TET3: variants seen among roughly 807,000 people sequenced by gnomAD.
The protein encoded by TET3 is tet methylcytosine dioxygenase 3, also known as methylcytosine dioxygenase TET3.
Under a neutral mutation model 141.4 loss-of-function variants are expected in TET3, and 19 were observed. The ratio of observed to expected loss-of-function variants is 0.13; its 90% confidence interval spans 0.09 to 0.20. TET3 has a LOEUF of 0.20. TET3 is among the 10% of genes least tolerant of loss of function. TET3 has a pLI of 1.00. For missense variants in TET3, 1,874 were observed against 2,356.9 expected (o/e 0.80, Z 4.24); for synonymous variants, 1,043 against 980.9 (o/e 1.06, Z -1.18).
intron 4 of TET3, among the ~76,000 whole-genome samples, chr2:74,056,171 T>C (rs1688204385): frequency 6.6e-6 from 1 of 152,242 alleles, no homozygotes; most frequent in Non-Finnish European, 1.5e-5. Flanking sequence ...GCCTCAGCTG[T>C]GCTCCTGTGT....
intron 3 of TET3, among the ~76,000 whole-genome samples, chr2:74,035,197 G>A (rs1377566193): frequency 0.03 from 1,887 of 62,002 alleles, no homozygotes; most frequent in Middle Eastern, 0.21. Context: ...GTGAGACTCC[G>A]TCTCAAAAAA....
intron 3 of TET3, among the ~76,000 whole-genome samples, chr2:74,008,323 T>C (rs1685249951): frequency 1.3e-5 from 2 of 152,198 alleles, no homozygotes; most frequent in South Asian, 4.1e-4. Context: ...TCTGCAAGTC[T>C]GGGAGTCTGA....
At chr2:74,099,837 G>A (rs1290733229) in intron 11 of TET3, among the ~76,000 whole-genome samples, 1 of 152,166 alleles carries the variant, frequency 6.6e-6, no homozygotes, top group Non-Finnish European at 1.5e-5. Context: ...TAGAGGGGAA[G>A]CACTGGGTTT....
intron 4 of TET3, among the ~76,000 whole-genome samples, chr2:74,049,425 G>A (rs1019941868): frequency 2.8e-4 from 43 of 152,056 alleles, no homozygotes; most frequent in Non-Finnish European, 5.3e-4. Context: ...TAGGGTGCAG[G>A]GCCACTGAGG....
chr2:74,002,877 T>C, intron 2 of TET3: 1 of 561,488 alleles, frequency 1.8e-6, no homozygotes. Context: ...TCGGGGGGAT[T>C]CTCAGAGGAG....
At chr2:74,131,644 G>C in the TET3 span, among the ~76,000 whole-genome samples, 1 of 152,224 alleles carries the variant, frequency 6.6e-6, no homozygotes, top group African/African-American at 2.4e-5. Context: ...GACTTGCCCA[G>C]TCAGCCGGCA....
chr2:74,065,561 T>TG (rs940147358), intron 4 of TET3, among the ~76,000 whole-genome samples: 8 of 151,430 alleles, frequency 5.3e-5, no homozygotes, highest in African/African-American at 1.9e-4. Context: ...TTTTGTTTTT[T>TG]TTTTTTTTGG....
At chr2:74,034,486 G>C (rs971058952) in intron 3 of TET3, among the ~76,000 whole-genome samples, 1 of 148,396 alleles carries the variant, frequency 6.7e-6, no homozygotes, top group Non-Finnish European at 1.5e-5. Context: ...CATTATATAA[G>C]TTTGCATTTC....
intron 3 of TET3, among the ~76,000 whole-genome samples, chr2:74,029,535 G>A (rs747206029): frequency 1.3e-5 from 2 of 152,154 alleles, no homozygotes; most frequent in Non-Finnish European, 2.9e-5. Flanking sequence ...GAAGAAATTA[G>A]CATATGAGAA....
intron 3 of TET3, among the ~76,000 whole-genome samples, chr2:74,034,063 T>C (rs1558731609): frequency 2.0e-5 from 3 of 151,950 alleles, no homozygotes. Context: ...GCCATTGCAC[T>C]TTAGTCAGGG....
chr2:74,002,376 C>T (rs1383461282), intron 2 of TET3, among the ~76,000 whole-genome samples: 1 of 151,698 alleles, frequency 6.6e-6, no homozygotes, highest in Admixed American at 6.6e-5. Flanking sequence ...CCCCCACCCC[C>T]CCGGCGTCTG....
intron 5 of TET3, among the ~76,000 whole-genome samples, chr2:74,077,909 A>G (rs1689602693): frequency 6.6e-6 from 1 of 152,240 alleles, no homozygotes; most frequent in Admixed American, 6.5e-5. Context: ...GCTTCCTGAT[A>G]AATGCTTGTT....
chr2:74,100,926 A>T lies in TET3; in HGVS notation c.4138A>T (p.Arg1380Trp), dbSNP rs146830722. 6.2e-7 allele frequency: 1 copy of T among 1,610,834 alleles called. No homozygotes were observed. The highest frequency in any genetic ancestry group is 8.5e-7 in the Non-Finnish European group (1 of 1,178,726). ...PKAPLLHSVS[R>W]DPSPFAQSSN... ...GGCCCCCCTACTCCACTCAGTGTCC[A>T]GGGACCCCTCCCCCTTTGCCCAGAG... is the stretch of plus-strand genomic sequence containing the variant. Residue 1380 changes from arginine to tryptophan, a missense_variant, in exon 12 of 12, where the codon AGG (arginine) becomes TGG (tryptophan). Physicochemically the swap from Arg to Trp is moderately radical, Grantham distance 101. Coordinates refer to ENST00000409262, the MANE Select transcript of TET3 (RefSeq NM_001287491.2).
intron 3 of TET3, among the ~76,000 whole-genome samples, chr2:74,025,573 G>A (rs562607933): frequency 2.8e-4 from 42 of 152,198 alleles, no homozygotes; most frequent in Non-Finnish European, 5.1e-4. Context: ...CGGCCTGAAT[G>A]TAGGTTTTCT....
Position 74,084,353 on chromosome 2 carries a change from C to T in TET3, c.2680-3477C>T, listed in dbSNP as rs565676554. 1.5e-3 allele frequency among the ~76,000 whole-genome samples: 234 copies of T among 152,224 alleles called. 4 individuals are homozygous for T. The highest frequency in any genetic ancestry group is 4.9e-4 in the Non-Finnish European group (33 of 68,020). On this transcript the variant is annotated intron_variant, in intron 6 of 11. Transcript: ENST00000409262. ...ATTCAGACGCAGAAAGTAGGCTGGG[C>T]GCAGTGGCTCACGCCTGTAATCCCA...
chr2:73,992,477 C>A (rs1440900394), intron 2 of TET3, among the ~76,000 whole-genome samples: 2 of 152,022 alleles, frequency 1.3e-5, no homozygotes, highest in African/African-American at 4.8e-5. Context: ...TCACGCCTGG[C>A]TAATTTTTGT....
At chr2:74,067,442 G>A (rs575341674) in intron 4 of TET3, among the ~76,000 whole-genome samples, 16 of 152,194 alleles carry the variant, frequency 1.1e-4, no homozygotes, top group Non-Finnish European at 1.6e-4. Context: ...AGCCCTTTGT[G>A]TATTTTACAC....
upstream of TET3, among the ~76,000 whole-genome samples, chr2:73,984,648 C>T (rs1034848654): frequency 6.6e-6 from 1 of 151,846 alleles, no homozygotes; most frequent in Non-Finnish European, 1.5e-5. This position sits in a 1 kb window ranked among gnomAD's most constrained non-coding sequence, Gnocchi z 5.6. Context: ...GTGGCCAACC[C>T]GAAGGGGGCG....
chr2:74,046,513 A>C lies in TET3; in HGVS notation c.596A>C (p.Asp199Ala). ...AHTARLEDAH[D>A]LVAFSAVAEA... ...ACTGCTCGCCTGGAAGATGCCCACG[A>C]TCTGGTGGCCTTTTCGGCTGTGGCC... is the stretch of plus-strand genomic sequence containing the variant. The change falls in exon 4 of 12, where the codon GAT becomes GCT. Residue 199 changes from aspartate to alanine, a missense_variant. Transcript: ENST00000409262. This position sits in a 1 kb window ranked among gnomAD's most constrained non-coding sequence, Gnocchi z 4.3. 1 of 1,613,972 alleles carries C rather than the reference A, an allele frequency of 6.2e-7. No individual in the cohort carries two copies. The highest frequency in any genetic ancestry group is 1.1e-5 in the South Asian group (1 of 91,072).
Sources: gnomAD v4.1 joint callset for allele counts (sites outside exome capture counted in the v4.1 genomes callset) on GRCh38, gnomAD v4.1.1 for gene constraint, Gnocchi (gnomAD v3.1) non-coding constraint, MANE v1.5 for transcripts, NCBI Gene and HGNC (gene_info 2026-07-23, HGNC 2026-07-21) for gene names.